The following UBE2Q2 variants were observed in gnomAD, a reference collection of about 807,000 sequenced individuals.
UBE2Q2 encodes the protein ubiquitin-conjugating enzyme E2 Q2.
In UBE2Q2, 54 loss-of-function variants were observed where a neutral mutation model predicts 59.9. That is an observed-to-expected ratio of 0.90 (90% CI 0.72 to 1.13). The LOEUF (loss-of-function observed/expected upper bound fraction) is 1.13. Ranked by LOEUF, UBE2Q2 falls within the 50% of genes most tolerant of loss-of-function variation. The pLI is 0.00. For synonymous variants in UBE2Q2, 165 were observed against 155.2 expected (o/e 1.06, Z -0.47); for missense variants, 433 against 441.9 (o/e 0.98, Z 0.18).
At chr15:75,883,300 T>C in intron 8 of UBE2Q2, 66 bp from the exon 9 acceptor site, 1 of 1,398,862 alleles carries the variant, frequency 7.1e-7, no homozygotes, top group Non-Finnish European at 1.0e-6. Context: ...TCTTTTAAAA[T>C]CTTCTAAATA....
In UBE2Q2 at chr15:75,891,015, G is replaced by A. The variant is rs1301319911; in HGVS notation, c.1029+1G>A. Reference sequence around the variant, plus strand: ...CAGAGTGCAGTTTGGAGCAAATAAGGTACTTCTGTTAAGAATTTTACATAA... The same window carrying A: ...CAGAGTGCAGTTTGGAGCAAATAAGATACTTCTGTTAAGAATTTTACATAA... On this transcript the variant is annotated splice_donor_variant, in intron 11 of 12. Transcript: ENST00000267938. LOFTEE classifies it high-confidence loss of function. 1 of 1,609,652 alleles carries A rather than the reference G, an allele frequency of 6.2e-7. No individual in the cohort carries two copies. The highest frequency in any genetic ancestry group is 1.7e-5 in the Admixed American group (1 of 59,962).
At chr15:75,846,723 T>C (rs1361096625) in intron 1 of UBE2Q2, among the ~76,000 whole-genome samples, 1 of 152,234 alleles carries the variant, frequency 6.6e-6, no homozygotes, top group African/African-American at 2.4e-5. Flanking sequence ...TTTTCCTCTT[T>C]AGACAGTTCA....
At chr15:75,872,162 A>G (rs1170280869) in intron 4 of UBE2Q2, among the ~76,000 whole-genome samples, 6 of 152,056 alleles carry the variant, frequency 3.9e-5, no homozygotes, top group African/African-American at 1.4e-4. Flanking sequence ...GGGGAGGTGA[A>G]GGCTGCAGTG....
chr15:75,868,805 A>G (rs1897636013), intron 3 of UBE2Q2, 146 bp from the exon 4 acceptor site: 1 of 576,984 alleles, frequency 1.7e-6, no homozygotes, highest in African/African-American at 1.9e-5. Flanking sequence ...GCTGGATTTA[A>G]AGATAAACAT....
intron 9 of UBE2Q2, among the ~76,000 whole-genome samples, chr15:75,887,424 G>C (rs377259052): frequency 6.6e-6 from 1 of 152,102 alleles, no homozygotes; most frequent in East Asian, 1.9e-4. Context: ...CAGTTATCTA[G>C]GAAAGAGAAT....
At chr15:75,881,558 T>C (rs1331475454) in intron 8 of UBE2Q2, among the ~76,000 whole-genome samples, 1 of 152,176 alleles carries the variant, frequency 6.6e-6, no homozygotes, top group African/African-American at 2.4e-5. Context: ...ACTGACCTTA[T>C]GAAGAGGACC....
chr15:75,894,407 AAAAACAAAAC>A (rs569005095), intron 11 of UBE2Q2, among the ~76,000 whole-genome samples: 1 of 152,062 alleles, frequency 6.6e-6, no homozygotes, highest in Non-Finnish European at 1.5e-5. Flanking sequence ...TCTCTGTAAA[AAAAACAAAAC>A]AAAACAAAAC....
At chr15:75,858,465 T>A (rs1897033307) in intron 2 of UBE2Q2, among the ~76,000 whole-genome samples, 1 of 152,158 alleles carries the variant, frequency 6.6e-6, no homozygotes, top group Non-Finnish European at 1.5e-5. Context: ...TATATACTAC[T>A]GTTCTCTGAC....
intron 11 of UBE2Q2, among the ~76,000 whole-genome samples, chr15:75,892,241 G>A (rs189278014): frequency 6.6e-6 from 1 of 152,282 alleles, no homozygotes; most frequent in Admixed American, 6.5e-5. Flanking sequence ...GATACTTTTT[G>A]TAGGAAAGCA....
At position 75,882,068 on chromosome 15, in the gene UBE2Q2, C is replaced by A. The variant is rs114956710; in HGVS notation, c.826-1298C>A. On this transcript the variant is annotated intron_variant, in intron 8 of 12. Transcript: ENST00000267938. ...ATATGGAAGCATTAGTTTTTATTTGCTTTTGGTGAATGCAGGGCATGAAAC... is the reference window on the plus strand; with the variant it reads ...ATATGGAAGCATTAGTTTTTATTTGATTTTGGTGAATGCAGGGCATGAAAC... 2.0e-3 allele frequency among the ~76,000 whole-genome samples: 306 copies of A among 152,224 alleles called. 1 individual carries two copies. The highest frequency in any genetic ancestry group is 7.1e-3 in the African/African-American group (293 of 41,518).
chr15:75,881,423 A>G (rs145236877), intron 8 of UBE2Q2, among the ~76,000 whole-genome samples: 13 of 152,252 alleles, frequency 8.5e-5, no homozygotes, highest in South Asian at 2.1e-4. Flanking sequence ...TCTGGGAGGT[A>G]AATGGCTGAA....
At chr15:75,885,351 C>G (rs1898699420) in intron 9 of UBE2Q2, among the ~76,000 whole-genome samples, 1 of 151,990 alleles carries the variant, frequency 6.6e-6, no homozygotes, top group African/African-American at 2.4e-5. Flanking sequence ...CTCTTGACCT[C>G]GTGATCCGCC....
At chr15:75,857,612 C>A (rs1185638386) in intron 2 of UBE2Q2, among the ~76,000 whole-genome samples, 1 of 152,096 alleles carries the variant, frequency 6.6e-6, no homozygotes, top group African/African-American at 2.4e-5. Flanking sequence ...CTCTCTTAGT[C>A]CCCAAATTGA....
At chr15:75,878,062 A>G in intron 7 of UBE2Q2, 41 bp downstream of exon 7, 1 of 1,549,386 alleles carries the variant, frequency 6.5e-7, no homozygotes, top group Admixed American at 1.7e-5. Context: ...TTGCAATGGT[A>G]GACTATCACA....
At chr15:75,854,344 G>A (rs1207131226) in intron 1 of UBE2Q2, 42 bp from the exon 2 acceptor site, 1 of 1,506,366 alleles carries the variant, frequency 6.6e-7, no homozygotes, top group Admixed American at 1.8e-5. Flanking sequence ...ATTTGGGTTA[G>A]TCTGTATGTA....
chr15:75,883,756 C>A (rs1898591449), intron 9 of UBE2Q2, among the ~76,000 whole-genome samples: 1 of 152,004 alleles, frequency 6.6e-6, no homozygotes, highest in Admixed American at 6.6e-5. Context: ...TTCTGGGGCC[C>A]ACACCTAGAA....
intron 7 of UBE2Q2, 44 bp downstream of exon 7, chr15:75,878,065 C>T (rs371309574): frequency 5.2e-6 from 8 of 1,539,404 alleles, no homozygotes; most frequent in Non-Finnish European, 7.2e-6. Flanking sequence ...CAATGGTAGA[C>T]TATCACAGTG....
chr15:75,886,443 T>C (rs1898775734), intron 9 of UBE2Q2, among the ~76,000 whole-genome samples: 1 of 152,114 alleles, frequency 6.6e-6, no homozygotes, highest in Non-Finnish European at 1.5e-5. Flanking sequence ...TTTTATGTGC[T>C]TGTTTATAAA....
chr15:75,866,908 A>G (rs1897520143), intron 3 of UBE2Q2, among the ~76,000 whole-genome samples: 1 of 152,212 alleles, frequency 6.6e-6, no homozygotes, highest in South Asian at 2.1e-4. Flanking sequence ...CTTCATTAGT[A>G]ATGCTTCAGA....
Sources: allele counts gnomAD v4.1 joint callset (sites outside exome capture counted in the v4.1 genomes callset), GRCh38; gene constraint gnomAD v4.1.1; transcripts MANE v1.5; gene names NCBI Gene and HGNC (gene_info 2026-07-23, HGNC 2026-07-21).